FOXP2: variants seen among roughly 807,000 people sequenced by gnomAD.
The protein encoded by FOXP2 is forkhead box P2, also known as forkhead box protein P2.
In FOXP2, 12 loss-of-function variants were observed where a neutral mutation model predicts 115.8. That is an observed-to-expected ratio of 0.10 (90% CI 0.07 to 0.17). FOXP2 has a LOEUF of 0.17. Ranked by LOEUF, FOXP2 falls within the 10% of genes least tolerant of loss-of-function variation. FOXP2 has a pLI of 1.00. For synonymous variants in FOXP2, 328 were observed against 297.7 expected, an observed-to-expected ratio of 1.10 and a Z score of -1.05; for missense variants, 629 against 843.5, an observed-to-expected ratio of 0.75 and a Z score of 3.15.
Position 114,491,591 on chromosome 7 carries a change from T to C in FOXP2, c.169-43026T>C, listed in dbSNP as rs571117166. Among the ~76,000 whole-genome samples the C allele has an allele frequency of 1.5e-3, 231 of 152,292 alleles. 2 individuals are homozygous for C. The highest frequency in any genetic ancestry group is 5.1e-3 in the African/African-American group (212 of 41,572). On this transcript the variant is annotated intron_variant, in intron 2 of 16. Transcript: ENST00000350908. ...CATGAAGTCCTTGCCCATGTCTATG[T>C]CCTGAATGGTATTGCCTAGGTTTTC...
At chr7:114,457,882 G>A (rs978012838) in intron 2 of FOXP2, among the ~76,000 whole-genome samples, 3 of 140,686 alleles carry the variant, frequency 2.1e-5, no homozygotes, top group Admixed American at 1.5e-4. Flanking sequence ...GGGCGACAGC[G>A]AGACTCCGTC....
intron 2 of FOXP2, among the ~76,000 whole-genome samples, chr7:114,532,766 A>G (rs1383314011): frequency 6.6e-6 from 1 of 150,896 alleles, no homozygotes; most frequent in Non-Finnish European, 1.5e-5. Context: ...ACTCGAAAAG[A>G]AAAAAAAACT....
intron 2 of FOXP2, among the ~76,000 whole-genome samples, chr7:114,396,780 C>G (rs1792756163): frequency 6.6e-6 from 1 of 151,876 alleles, no homozygotes; most frequent in Non-Finnish European, 1.5e-5. Context: ...AGGGACTATA[C>G]ATTATATTTC....
At chr7:114,625,949 A>G (rs1042492821) in intron 3 of FOXP2, among the ~76,000 whole-genome samples, 5 of 151,722 alleles carry the variant, frequency 3.3e-5, no homozygotes, top group Non-Finnish European at 7.4e-5. Flanking sequence ...AGAGTGTTCA[A>G]TCATGTATGT....
In FOXP2 at chr7:114,690,378, G is replaced by A. The variant is rs772355714; in HGVS notation, c.*452G>A. ...GTTGTAATGTTAGAAACAATTGCTG[G>A]TCAAGTTCAACTTGTTGCTATTGTT... is the stretch of plus-strand genomic sequence containing the variant. On this transcript the variant is annotated 3_prime_UTR_variant, in exon 17 of 17. Transcript: ENST00000350908. 6.6e-6 allele frequency: 3 copies of A among 453,938 alleles called. No homozygotes were observed. Among genetic ancestry groups the A allele is most frequent in the Non-Finnish European group, 1.3e-5 (3 of 226,856 alleles). 28.1% of individuals were successfully genotyped at this position (453,938 alleles called of 1,614,324 possible).
chr7:114,164,740 T>C (rs773075209), intron 1 of FOXP2, among the ~76,000 whole-genome samples: 8 of 152,196 alleles, frequency 5.3e-5, no homozygotes, highest in Non-Finnish European at 7.3e-5. Flanking sequence ...TTTCTTCTTA[T>C]TGAAAAATGT....
At chr7:114,170,382 G>T (rs903408456) in intron 1 of FOXP2, among the ~76,000 whole-genome samples, 18 of 152,142 alleles carry the variant, frequency 1.2e-4, no homozygotes, top group African/African-American at 4.1e-4. Context: ...TAATAAACCT[G>T]CAATGGCCTC....
chr7:114,454,194 A>G (rs1281954468), intron 2 of FOXP2, among the ~76,000 whole-genome samples: 10 of 151,916 alleles, frequency 6.6e-5, no homozygotes, highest in Admixed American at 2.6e-4. Flanking sequence ...CAACCCCATC[A>G]AAAAGTGGGT....
At chr7:114,377,163 T>C (rs1054367739) in intron 2 of FOXP2, among the ~76,000 whole-genome samples, 17 of 152,160 alleles carry the variant, frequency 1.1e-4, no homozygotes, top group Admixed American at 1.0e-3. Flanking sequence ...GAGTGATGGA[T>C]GGTGACATTA....
chr7:114,567,265 A>G (rs73429379), intron 3 of FOXP2, among the ~76,000 whole-genome samples: 71 of 152,230 alleles, frequency 4.7e-4, no homozygotes, highest in African/African-American at 1.5e-3. Context: ...GTATATGGGT[A>G]TCAGCACTGT....
intron 1 of FOXP2, among the ~76,000 whole-genome samples, chr7:114,088,551 G>T (rs993938085): frequency 6.6e-6 from 1 of 152,232 alleles, no homozygotes; most frequent in Non-Finnish European, 1.5e-5. Context: ...GCATATCTTT[G>T]CAGGCTCTCC....
At chr7:114,397,276 C>A (rs1467604043) in intron 2 of FOXP2, among the ~76,000 whole-genome samples, 3 of 151,988 alleles carry the variant, frequency 2.0e-5, no homozygotes, top group Non-Finnish European at 4.4e-5. Context: ...TATATTCAGT[C>A]AACAATTATT....
intron 2 of FOXP2, among the ~76,000 whole-genome samples, chr7:114,312,893 C>A (rs1797180996): frequency 6.6e-6 from 1 of 152,052 alleles, no homozygotes; most frequent in Non-Finnish European, 1.5e-5. Context: ...TGGCCTGGGG[C>A]AAGAGCAATC....
upstream of FOXP2, chr7:114,086,652 C>T (rs1306594632): frequency 2.8e-5 from 10 of 361,152 alleles, no homozygotes; most frequent in Admixed American, 1.9e-4. Context: ...TACACCTCCG[C>T]ACCCCACCCT....
At chr7:114,345,578 G>A (rs936615621) in intron 2 of FOXP2, among the ~76,000 whole-genome samples, 3 of 151,672 alleles carry the variant, frequency 2.0e-5, no homozygotes, top group Non-Finnish European at 4.4e-5. Context: ...AATTTCTTTA[G>A]TGTTCCTAGT....
At chr7:114,519,967 A>G (rs1798533003) in intron 2 of FOXP2, among the ~76,000 whole-genome samples, 1 of 152,182 alleles carries the variant, frequency 6.6e-6, no homozygotes, top group Non-Finnish European at 1.5e-5. Flanking sequence ...TTTAAACTGA[A>G]ATCCAGTTTT....
At chr7:114,442,308 G>A (rs1268577303) in intron 2 of FOXP2, among the ~76,000 whole-genome samples, 2 of 151,694 alleles carry the variant, frequency 1.3e-5, no homozygotes, top group Admixed American at 6.6e-5. Context: ...ACCTGGGGCC[G>A]GAGGTAAGAA....
Position 114,187,638 on chromosome 7 carries a change from C to T in FOXP2, c.-102+24550C>T, listed in dbSNP as rs1398848198. On this transcript the variant is annotated intron_variant, in intron 1 of 17. Transcript: ENST00000634411. ...TATAGCATTCATTTCAAAACTGTTC[C>T]AGCCTGTAACTAGTACCTGGTTCCA... 2.6e-5 allele frequency among the ~76,000 whole-genome samples: 4 copies of T among 152,154 alleles called. No individual in the cohort carries two copies. In the East Asian group the frequency reaches 5.8e-4, roughly 22 times the overall value.
intron 2 of FOXP2, among the ~76,000 whole-genome samples, chr7:114,524,898 T>C (rs1309198755): frequency 6.6e-6 from 1 of 152,156 alleles, no homozygotes; most frequent in Non-Finnish European, 1.5e-5. Context: ...TGTGGTGATA[T>C]AGGATGGGAG....
Sources: gnomAD v4.1 joint callset for allele counts (sites outside exome capture counted in the v4.1 genomes callset) on GRCh38, gnomAD v4.1.1 for gene constraint, MANE v1.5 for transcripts, NCBI Gene and HGNC (gene_info 2026-07-23, HGNC 2026-07-21) for gene names.